Variants in CD4 observed in about 807,000 individuals in gnomAD.
CD4 encodes the protein CD4 molecule.
Under a neutral mutation model 50.5 loss-of-function variants are expected in CD4, and 25 were observed. The observed-to-expected ratio is 0.49, with a 90% CI of 0.36 to 0.69. The LOEUF is 0.69. CD4 is among the 30% of genes least tolerant of loss of function. The pLI, the probability that CD4 is intolerant of heterozygous loss-of-function variation, is 0.00. For synonymous variants in CD4, 207 were observed against 221.9 expected, an observed-to-expected ratio of 0.93 and a Z score of 0.60; for missense variants, 456 against 548.5, an observed-to-expected ratio of 0.83 and a Z score of 1.68.
intron 5 of CD4, chr12:6,815,761 C>T (rs191651672): frequency 2.3e-4 from 317 of 1,404,730 alleles, no homozygotes; most frequent in Non-Finnish European, 2.0e-4. Flanking sequence ...GGAGTGGAGG[C>T]CAAATGGCTT....
Position 6,818,305 on chromosome 12 carries a change from T to C in CD4, c.1157-116T>C. On this transcript the variant is annotated intron_variant, in intron 7 of 9. Coordinates refer to ENST00000011653, the MANE Select transcript of CD4 (RefSeq NM_000616.5). This position sits in a 1 kb window ranked among gnomAD's most constrained non-coding sequence, Gnocchi z 5.0. Reference sequence around the variant, plus strand: ...TGAGAGCCCCCAGGCACCCCTCCCCTCTCCCCCAACCCCAGGGTCAAACCA... The same window carrying C: ...TGAGAGCCCCCAGGCACCCCTCCCCCCTCCCCCAACCCCAGGGTCAAACCA... The C allele has an allele frequency of 3.5e-6, 4 of 1,142,910 alleles. No homozygotes were observed. The highest frequency in any genetic ancestry group is 2.5e-5 in the East Asian group (1 of 39,530). The allele number at this position is 1,142,910 out of a possible 1,614,324, so 70.8% of individuals were successfully genotyped here.
chr12:6,809,131 G>A (rs1384375303), intron 3 of CD4, among the ~76,000 whole-genome samples: 1 of 152,114 alleles, frequency 6.6e-6, no homozygotes, highest in Non-Finnish European at 1.5e-5. Context: ...GAAACACAGA[G>A]TCATGTTTTT....
Position 6,804,665 on chromosome 12 carries a change from G to A in CD4, c.214+4194G>A, listed in dbSNP as rs28920470. Among the ~76,000 whole-genome samples, 58 of 152,246 alleles carry A rather than the reference G, an allele frequency of 3.8e-4. 1 individual carries two copies. The South Asian group carries it at 8.1e-3, about 21-fold the overall frequency. ...AGGTGGGAAGATTGCTTAAGCCCAG[G>A]AGTTCAAGACCAGCCCGGGCAACAT... On this transcript the variant is annotated intron_variant, in intron 3 of 9. Transcript: ENST00000011653.
intron 7 of CD4, 134 bp downstream of exon 7, chr12:6,817,464 AG>A: frequency 1.3e-6 from 1 of 758,394 alleles, no homozygotes; most frequent in Non-Finnish European, 2.1e-6. Flanking sequence ...CTGTGGTCCC[AG>A]GGTGCTTTGG....
At position 6,792,765 on chromosome 12, in the gene CD4, T is replaced by C. The variant is rs1385003833; in HGVS notation, c.-68+3103T>C. ...AAGGAGCTAGAGCTTAGTGGCAGCCTGAGAGGGGAAGCTGAAAAAGGAGAA... is the reference window on the plus strand; with the variant it reads ...AAGGAGCTAGAGCTTAGTGGCAGCCCGAGAGGGGAAGCTGAAAAAGGAGAA... On this transcript the variant is annotated intron_variant, in intron 1 of 9. Transcript: ENST00000011653. This position sits in a 1 kb window ranked among gnomAD's most constrained non-coding sequence, Gnocchi z 4.1. 1.3e-5 allele frequency among the ~76,000 whole-genome samples: 2 copies of C among 152,020 alleles called. No individual in the cohort carries two copies. The highest frequency in any genetic ancestry group is 2.1e-4 in the South Asian group (1 of 4,828).
chr12:6,803,108 T>C (rs782550050), intron 3 of CD4, among the ~76,000 whole-genome samples: 2 of 152,262 alleles, frequency 1.3e-5, no homozygotes, highest in Admixed American at 6.5e-5. Context: ...TAATAATAGC[T>C]ATTTTGGAAA....
At chr12:6,801,349 T>C (rs1942539395) in intron 3 of CD4, among the ~76,000 whole-genome samples, 1 of 150,124 alleles carries the variant, frequency 6.7e-6, no homozygotes, top group Non-Finnish European at 1.5e-5. Context: ...AAACCCGGTC[T>C]CTACTAAAAA....
chr12:6,808,991 T>A (rs955700964), intron 3 of CD4, among the ~76,000 whole-genome samples: 1 of 152,190 alleles, frequency 6.6e-6, no homozygotes, highest in Non-Finnish European at 1.5e-5. Flanking sequence ...TTTCCAAAAA[T>A]TCTTAAGTCT....
At chr12:6,793,646 T>TA (rs935278665) in intron 1 of CD4, among the ~76,000 whole-genome samples, 7 of 144,998 alleles carry the variant, frequency 4.8e-5, no homozygotes, top group African/African-American at 1.8e-4. Context: ...TGTATCTATC[T>TA]ATCATCTATC....
At chr12:6,806,763 A>C (rs1413639465) in intron 3 of CD4, among the ~76,000 whole-genome samples, 1 of 152,234 alleles carries the variant, frequency 6.6e-6, no homozygotes, top group East Asian at 1.9e-4. Context: ...CAAAATTGGA[A>C]CACCACCAAA....
intron 3 of CD4, among the ~76,000 whole-genome samples, chr12:6,806,548 A>C (rs1942765211): frequency 6.6e-6 from 1 of 152,220 alleles, no homozygotes; most frequent in African/African-American, 2.4e-5. Flanking sequence ...CCACATACTT[A>C]GCAAAGGACT....
rs1046909185 is a variant in CD4 at position 6,816,769 on chromosome 12, G to A, written c.956-361G>A. On this transcript the variant is annotated intron_variant, in intron 6 of 9. Coordinates refer to ENST00000011653, the MANE Select transcript of CD4 (RefSeq NM_000616.5). This position sits in a 1 kb window ranked among gnomAD's most constrained non-coding sequence, Gnocchi z 4.9. ...GTGATAGTAATGATGATAATGTCAA[G>A]CTCCAAATTGAGTTTCTGGCTTCCT... Among the ~76,000 whole-genome samples, 1 of 152,206 alleles carries A rather than the reference G, an allele frequency of 6.6e-6. No individual in the cohort carries two copies.
At chr12:6,808,832 T>C (rs1555116638) in intron 3 of CD4, among the ~76,000 whole-genome samples, 1 of 152,214 alleles carries the variant, frequency 6.6e-6, no homozygotes, top group Non-Finnish European at 1.5e-5. Context: ...AGAAATGAAA[T>C]TAAGGATATG....
At chr12:6,801,708 A>ACG (rs1942558685) in intron 3 of CD4, among the ~76,000 whole-genome samples, 1 of 132,348 alleles carries the variant, frequency 7.6e-6, no homozygotes, top group Admixed American at 7.6e-5. Flanking sequence ...CTACAGGCGT[A>ACG]TGCCACCATG....
Position 6,819,572 on chromosome 12 carries a change from T to G in CD4, c.*243T>G. ...TTTCCTTTTCCTTCAAGCCTAGCCC[T>G]TCTCTCATTATTTCTCTCTGACCCT... On this transcript the variant is annotated 3_prime_UTR_variant, in exon 10 of 10. Transcript: ENST00000011653. 2 of 568,854 alleles carry G rather than the reference T, an allele frequency of 3.5e-6. No homozygotes were observed. The allele number at this position is 568,854 out of a possible 1,614,324, so 35.2% of individuals were successfully genotyped here. A position where few individuals can be genotyped will look rare whatever the true frequency, so the allele number is the denominator to read the frequency against.
Position 6,816,345 on chromosome 12 carries a change from G to C in CD4, c.897G>C (p.Leu299=), listed in dbSNP as rs368363652. The C allele has an allele frequency of 1.9e-6, 3 of 1,614,110 alleles. No individual in the cohort carries two copies. The African/African-American group carries it at 4.0e-5, about 22-fold the overall frequency. ...ATGCTGGCTCTGGAAACCTCACCCTGGCCCTTGAAGCGAAAACAGGAAAGT... is the reference window on the plus strand; with the variant it reads ...ATGCTGGCTCTGGAAACCTCACCCTCGCCCTTGAAGCGAAAACAGGAAAGT... The part of the protein sequence containing the change: ...PQYAGSGNLT[L]ALEAKTGKLH... The change falls in exon 6 of 10, where the codon CTG becomes CTC. Residue 299 remains leucine, a synonymous_variant. Transcript: ENST00000011653. The surrounding 1 kb of genome is among the most constrained non-coding windows in gnomAD (Gnocchi z 4.9).
chr12:6,812,046 G>T (rs1188377801), intron 3 of CD4, among the ~76,000 whole-genome samples: 1 of 152,062 alleles, frequency 6.6e-6, no homozygotes, highest in Non-Finnish European at 1.5e-5. Context: ...CCAGACTCCT[G>T]ACGGGCTGCA....
chr12:6,810,332 G>A (rs191107849), intron 3 of CD4, among the ~76,000 whole-genome samples: 140 of 152,342 alleles, frequency 9.2e-4, no homozygotes, highest in Admixed American at 2.2e-3. Flanking sequence ...GCAGGCCATG[G>A]TTTTCTTTTG....
At chr12:6,806,136 C>CG (rs1555116120) in intron 3 of CD4, among the ~76,000 whole-genome samples, 3 of 118,064 alleles carry the variant, frequency 2.5e-5, no homozygotes, top group Non-Finnish European at 1.7e-5. Context: ...CCGTCTCTAC[C>CG]AAAAAAAAAA....
Sources: allele counts gnomAD v4.1 joint callset (sites outside exome capture counted in the v4.1 genomes callset), GRCh38; gene constraint gnomAD v4.1.1; non-coding constraint Gnocchi (gnomAD v3.1); transcripts MANE v1.5; gene names NCBI Gene and HGNC (gene_info 2026-07-23, HGNC 2026-07-21).